Variants in TP53BP1 observed in about 807,000 individuals in gnomAD.
TP53BP1 encodes the protein TP53-binding protein 1.
TP53BP1 carries 61 observed loss-of-function variants against 200.8 expected under a neutral mutation model. That is an observed-to-expected ratio of 0.30 (90% CI 0.25 to 0.38). The LOEUF (loss-of-function observed/expected upper bound fraction) is 0.38, where lower values mean the gene tolerates loss of function less well. TP53BP1 is among the 10% of genes least tolerant of loss of function. The pLI, the probability that TP53BP1 is intolerant of heterozygous loss-of-function variation, is 1.00. For synonymous variants in TP53BP1, 822 were observed against 844.3 expected, an observed-to-expected ratio of 0.97 and a Z score of 0.46; for missense variants, 2,144 against 2,371.9, an observed-to-expected ratio of 0.90 and a Z score of 2.00.
chr15:43,456,469 T>G lies in TP53BP1; in HGVS notation c.2139A>C (p.Pro713=). The G allele has an allele frequency of 6.4e-7, 1 of 1,567,610 alleles. No homozygotes were observed. Among genetic ancestry groups the G allele is most frequent in the South Asian group, 1.2e-5 (1 of 81,224 alleles). Residue 713 remains proline (P), a synonymous_variant, in exon 12 of 28, where the codon CCA becomes CCC. Transcript: ENST00000382044. ...CCATAGCTTCTGAGCATTCTTTTTT[T>G]GGCATTTCCTTTTGAAGACACAACC... ...SQGLCLQKEM[P]KKECSEAMEV... is the part of the protein sequence containing the mutation.
intron 4 of TP53BP1, among the ~76,000 whole-genome samples, chr15:43,487,397 T>C (rs1331045506): frequency 6.6e-6 from 1 of 152,158 alleles, no homozygotes; most frequent in African/African-American, 2.4e-5. Context: ...TCTAGAAAAG[T>C]TTGGCAGTTT....
chr15:43,418,361 G>T (rs2142985154), intron 21 of TP53BP1, among the ~76,000 whole-genome samples: 1 of 151,264 alleles, frequency 6.6e-6, no homozygotes, highest in South Asian at 2.1e-4. Context: ...AATTAGCCAG[G>T]TGTGGTGGTG....
chr15:43,446,851 T>C (rs1224828279), intron 13 of TP53BP1: 1 of 1,380,800 alleles, frequency 7.2e-7, no homozygotes, highest in African/African-American at 1.4e-5. Flanking sequence ...AACCCACATC[T>C]GCCAGCATCA....
chr15:43,441,957 T>C (rs145345560), intron 14 of TP53BP1, among the ~76,000 whole-genome samples: 2 of 152,174 alleles, frequency 1.3e-5, no homozygotes, highest in African/African-American at 4.8e-5. Context: ...TTGCCAAGTT[T>C]CCCAAGCTGG....
chr15:43,479,228 T>C (rs768917621), intron 7 of TP53BP1, among the ~76,000 whole-genome samples, 169 bp downstream of exon 7: 1 of 152,132 alleles, frequency 6.6e-6, no homozygotes, highest in Non-Finnish European at 1.5e-5. Context: ...AAAACAATTC[T>C]TGAGACTTCA....
intron 21 of TP53BP1, among the ~76,000 whole-genome samples, chr15:43,417,579 C>A (rs1470122585): frequency 3.9e-5 from 6 of 152,216 alleles, no homozygotes; most frequent in African/African-American, 1.2e-4. Flanking sequence ...AAATGGGACA[C>A]AGAATCCCCA....
rs754334940 is a variant in TP53BP1, at chr15:43,407,538, TCAC to T, written c.5776_5778del (p.Val1926del). 6.2e-7 allele frequency: 1 copy of T among 1,614,066 alleles called. No individual in the cohort carries two copies. The highest frequency in any genetic ancestry group is 8.5e-7 in the Non-Finnish European group (1 of 1,179,988). ...ACCGAGGCTGGGCATGAGGGGTCCGTCACCACCACATCAAATACCCCTAAAGCA... is the reference window on the plus strand; with the variant it reads ...ACCGAGGCTGGGCATGAGGGGTCCGTCACCACATCAAATACCCCTAAAGCA... On this transcript the variant is annotated inframe_deletion, in exon 28 of 28. Coordinates refer to ENST00000382044, the MANE Select transcript of TP53BP1 (RefSeq NM_001141980.3).
At chr15:43,452,185 A>G (rs977088110) in intron 12 of TP53BP1, among the ~76,000 whole-genome samples, 11 of 152,010 alleles carry the variant, frequency 7.2e-5, no homozygotes, top group African/African-American at 2.7e-4. Context: ...CTAAACAACT[A>G]TATTTTTAAG....
chr15:43,431,879 T>C (rs776650277), intron 17 of TP53BP1, among the ~76,000 whole-genome samples: 1 of 152,186 alleles, frequency 6.6e-6, no homozygotes, highest in East Asian at 1.9e-4. Flanking sequence ...ATAAAAAGTA[T>C]GGAGAAGGAA....
chr15:43,484,853 C>T (rs931564981), intron 4 of TP53BP1, among the ~76,000 whole-genome samples: 1 of 151,862 alleles, frequency 6.6e-6, no homozygotes, highest in African/African-American at 2.4e-5. Context: ...CAGGCTCAAG[C>T]GATCCTCCCA....
At chr15:43,432,916 TAA>T (rs997430472) in intron 16 of TP53BP1, among the ~76,000 whole-genome samples, 2 of 152,084 alleles carry the variant, frequency 1.3e-5, no homozygotes, top group South Asian at 2.1e-4. Flanking sequence ...ACCATGATGA[TAA>T]AAGAGTCATA....
In TP53BP1 at chr15:43,459,669, C is replaced by CT. The variant is rs879655790; in HGVS notation, c.1390-2452dup. On this transcript the variant is annotated intron_variant, in intron 11 of 27. Transcript: ENST00000382044. ...CCAATTGCATGAAATTCTTTTTTTT[C>CT]TTTTTTTTTTTTAAAGACAAGGCTT... Among the ~76,000 whole-genome samples the CT allele has an allele frequency of 7.0e-3, 1,007 of 144,100 alleles. 13 individuals are homozygous for CT. The highest frequency in any genetic ancestry group is 0.023 in the African/African-American group (912 of 39,486). 94.5% of individuals were successfully genotyped at this position (144,100 alleles called of 152,430 possible).
At chr15:43,424,371 A>C (rs1356122667) in intron 18 of TP53BP1, among the ~76,000 whole-genome samples, 1 of 152,130 alleles carries the variant, frequency 6.6e-6, no homozygotes, top group Non-Finnish European at 1.5e-5. Flanking sequence ...ATGCATGAAG[A>C]CCTTAGCTTC....
At chr15:43,414,959 C>T (rs893487771) in intron 23 of TP53BP1, among the ~76,000 whole-genome samples, 2 of 152,054 alleles carry the variant, frequency 1.3e-5, no homozygotes, top group East Asian at 3.9e-4. Flanking sequence ...CCCCCAACCT[C>T]GGCCTCCCAA....
intron 11 of TP53BP1, among the ~76,000 whole-genome samples, chr15:43,461,850 A>G (rs934294342): frequency 6.6e-6 from 1 of 151,508 alleles, no homozygotes; most frequent in African/African-American, 2.4e-5. Flanking sequence ...TGTACTTTTT[A>G]GTAGAGATGG....
intron 1 of TP53BP1, among the ~76,000 whole-genome samples, chr15:43,504,655 C>T (rs2079226711): frequency 6.6e-6 from 1 of 152,114 alleles, no homozygotes; most frequent in African/African-American, 2.4e-5. Flanking sequence ...GAAAAATGAA[C>T]AGCCTAAACA....
chr15:43,492,421 G>A lies in TP53BP1; in HGVS notation c.55C>T (p.Gln19Ter), dbSNP rs1323524336. The change falls in exon 2 of 28, where the codon CAG becomes TAG. Residue 19 changes from glutamine to a stop codon, truncating the protein, a stop_gained. Coordinates refer to ENST00000382044, the MANE Select transcript of TP53BP1 (RefSeq NM_001141980.3). LOFTEE classifies it high-confidence loss of function. ...ATTATCAGGCAAGGAGTATCTTGCT[G>A]AGAGAAATCTGAATCCAACTGACTT... ...TGSQLDSDFS[Q>*]QDTPCLIIED... 6.2e-7 allele frequency: 1 copy of A among 1,614,058 alleles called. No individual in the cohort carries two copies.
chr15:43,408,687 C>T lies in TP53BP1; in HGVS notation c.5600+210G>A, dbSNP rs578170144. The T allele has an allele frequency of 2.6e-5, 15 of 567,838 alleles. No homozygotes were observed. In the Admixed American group the frequency reaches 2.7e-4, roughly 10 times the overall value. The allele number at this position is 567,838 out of a possible 1,614,324, so 35.2% of individuals were successfully genotyped here. On this transcript the variant is annotated intron_variant, in intron 26 of 27. Coordinates refer to ENST00000382044, the MANE Select transcript of TP53BP1 (RefSeq NM_001141980.3). ...AGGTTGAGAATATTGAACCTATATA[C>T]AAATCTTCACACATTTGCAAAAGGT...
At position 43,447,467 on chromosome 15, in the gene TP53BP1, G is replaced by C. The variant is rs1359554065; in HGVS notation, c.2735C>G (p.Thr912Ser). ...GATGATATCACCTTCTTTAGGCAAA[G>C]TGAAATGAAATGGGGTTTCTGAAAA... ...ESSSETPFHF[T>S]LPKEGDIIPP... The change falls in exon 13 of 28, where the codon ACT becomes AGT. Residue 912 changes from threonine to serine, a missense_variant. By Grantham distance (58) the Thr-to-Ser change is moderately conservative. Coordinates refer to ENST00000382044, the MANE Select transcript of TP53BP1 (RefSeq NM_001141980.3). The C allele has an allele frequency of 3.8e-5, 47 of 1,241,988 alleles. No homozygotes were observed. The highest frequency in any genetic ancestry group is 5.0e-5 in the Non-Finnish European group (47 of 937,678). 76.9% of individuals were successfully genotyped at this position (1,241,988 alleles called of 1,614,324 possible).
Sources: allele counts gnomAD v4.1 joint callset (sites outside exome capture counted in the v4.1 genomes callset), GRCh38; gene constraint gnomAD v4.1.1; transcripts MANE v1.5; gene names NCBI Gene and HGNC (gene_info 2026-07-23, HGNC 2026-07-21).